Variants in ZMAT4 observed in about 807,000 individuals in gnomAD.
ZMAT4 encodes zinc finger matrin-type 4.
A neutral mutation model predicts 28.7 loss-of-function variants in ZMAT4; 17 were observed. The ratio of observed to expected loss-of-function variants is 0.59; its 90% CI spans 0.41 to 0.89. The LOEUF is 0.89. Among genes scored for constraint, ZMAT4 ranks in the 40% least tolerant of loss-of-function variants. The pLI, the probability that ZMAT4 is intolerant of heterozygous loss-of-function variation, is 0.00. For synonymous variants in ZMAT4, 117 were observed against 109.2 expected (o/e 1.07, Z -0.44); for missense variants, 240 against 283.8 (o/e 0.85, Z 1.11).
At chr8:40,890,713 C>CT (rs1283169066) in intron 1 of ZMAT4, among the ~76,000 whole-genome samples, 21 of 152,192 alleles carry the variant, frequency 1.4e-4, no homozygotes. Flanking sequence ...CCCTCCCTCC[C>CT]TACCTGGTGG....
At chr8:40,590,085 T>C (rs1367831875) in intron 5 of ZMAT4, among the ~76,000 whole-genome samples, 1 of 150,146 alleles carries the variant, frequency 6.7e-6, no homozygotes, top group South Asian at 2.1e-4. Flanking sequence ...AGTGGCATGA[T>C]TGTAGTTCAC....
chr8:40,727,062 G>C (rs1371683977), intron 3 of ZMAT4, among the ~76,000 whole-genome samples: 1 of 152,134 alleles, frequency 6.6e-6, no homozygotes, highest in African/African-American at 2.4e-5. Context: ...AAACCAACTG[G>C]CTTGAGGAAA....
At chr8:40,668,224 C>T (rs965442032) in intron 5 of ZMAT4, among the ~76,000 whole-genome samples, 1 of 152,044 alleles carries the variant, frequency 6.6e-6, no homozygotes, top group Admixed American at 6.6e-5. Context: ...GCAATCCCAG[C>T]ACTTTGGAAG....
chr8:40,755,323 G>A (rs1200650985), intron 3 of ZMAT4, among the ~76,000 whole-genome samples: 1 of 152,140 alleles, frequency 6.6e-6, no homozygotes, highest in Non-Finnish European at 1.5e-5. Flanking sequence ...GGCCTTCTGG[G>A]ATATACCATC....
intron 6 of ZMAT4, among the ~76,000 whole-genome samples, chr8:40,561,956 G>A (rs1803757721): frequency 6.6e-6 from 1 of 152,154 alleles, no homozygotes; most frequent in Non-Finnish European, 1.5e-5. Flanking sequence ...GAGAAAAAGA[G>A]AGGGAGAGAC....
chr8:40,614,350 A>G (rs1162059929), intron 5 of ZMAT4, among the ~76,000 whole-genome samples: 1 of 152,248 alleles, frequency 6.6e-6, no homozygotes, highest in African/African-American at 2.4e-5. Flanking sequence ...AAGGGAAAAT[A>G]AAAAATAAAT....
chr8:40,746,246 TCCC>T (rs1812212972), intron 3 of ZMAT4, among the ~76,000 whole-genome samples: 1 of 53,700 alleles, frequency 1.9e-5, no homozygotes, highest in Admixed American at 2.1e-4. Flanking sequence ...CCTCCCTCCC[TCCC>T]TCCCTCCCTC....
rs139042920 is a variant in ZMAT4, at chr8:40,531,351, C to G, written c.*872G>C. 3 of 152,182 alleles carry G rather than the reference C, an allele frequency of 2.0e-5. No homozygotes were observed. The highest frequency in any genetic ancestry group is 4.8e-5 in the African/African-American group (2 of 41,542). 9.4% of individuals were successfully genotyped at this position (152,182 alleles called of 1,614,324 possible). A position where few individuals can be genotyped will look rare whatever the true frequency, so the allele number is the denominator to read the frequency against. ...ATTTTCTCACTTCTTTCCAAACGAT[C>G]AGTATCCCCCAATTAAAGCCCACAG... On this transcript the variant is annotated 3_prime_UTR_variant, in exon 7 of 7. Transcript: ENST00000297737.
intron 6 of ZMAT4, among the ~76,000 whole-genome samples, chr8:40,561,778 C>T (rs555528665): frequency 6.6e-6 from 1 of 152,212 alleles, no homozygotes; most frequent in Non-Finnish European, 1.5e-5. Context: ...GAGTTTTTTG[C>T]AATTTTTTTA....
intron 3 of ZMAT4, among the ~76,000 whole-genome samples, chr8:40,739,615 C>T (rs1811917100): frequency 6.6e-6 from 1 of 152,160 alleles, no homozygotes; most frequent in African/African-American, 2.4e-5. Context: ...AAACTCTTTA[C>T]CTATCAGGGT....
At chr8:40,872,322 C>T (rs371374707) in intron 1 of ZMAT4, among the ~76,000 whole-genome samples, 5 of 152,336 alleles carry the variant, frequency 3.3e-5, no homozygotes, top group Admixed American at 2.6e-4. Flanking sequence ...AGCTGCCCAG[C>T]CCTCCAGGTG....
chr8:40,767,848 C>T (rs999126091), intron 2 of ZMAT4, 118 bp from the exon 3 acceptor site: 12 of 767,016 alleles, frequency 1.6e-5, no homozygotes, highest in South Asian at 5.9e-5. Context: ...GACACTTCTG[C>T]ATACTCCTGT....
At chr8:40,864,708 T>C (rs544817008) in intron 1 of ZMAT4, among the ~76,000 whole-genome samples, 2 of 152,324 alleles carry the variant, frequency 1.3e-5, no homozygotes, top group African/African-American at 4.8e-5. Context: ...CTGGTATTTT[T>C]ATGCACTGTG....
At chr8:40,625,098 A>T (rs1260788169) in intron 5 of ZMAT4, among the ~76,000 whole-genome samples, 1 of 152,164 alleles carries the variant, frequency 6.6e-6, no homozygotes, top group African/African-American at 2.4e-5. Flanking sequence ...TGGTAGCCAT[A>T]TGAAGGCCCG....
intron 3 of ZMAT4, among the ~76,000 whole-genome samples, chr8:40,725,098 G>A (rs1811265659): frequency 6.6e-6 from 1 of 152,160 alleles, no homozygotes; most frequent in African/African-American, 2.4e-5. Flanking sequence ...GCAAACTGCG[G>A]GAAGTGCCAT....
intron 5 of ZMAT4, among the ~76,000 whole-genome samples, chr8:40,621,507 G>T (rs573993041): frequency 1.3e-5 from 2 of 152,300 alleles, no homozygotes; most frequent in East Asian, 1.9e-4. Flanking sequence ...GATAATAAGG[G>T]CAGGGCAAAG....
chr8:40,865,880 T>C (rs925874794), intron 1 of ZMAT4, among the ~76,000 whole-genome samples: 1 of 152,182 alleles, frequency 6.6e-6, no homozygotes, highest in African/African-American at 2.4e-5. Context: ...ATTTTTAGAT[T>C]TTAGAAGGCC....
chr8:40,547,829 C>T (rs540182897), intron 6 of ZMAT4, among the ~76,000 whole-genome samples: 1 of 151,932 alleles, frequency 6.6e-6, no homozygotes, highest in Non-Finnish European at 1.5e-5. Context: ...TGGAGAGACT[C>T]ACGATGAATG....
intron 3 of ZMAT4, among the ~76,000 whole-genome samples, chr8:40,744,843 T>G (rs1812152567): frequency 6.6e-6 from 1 of 152,176 alleles, no homozygotes; most frequent in East Asian, 1.9e-4. Context: ...AAGCTCTAGT[T>G]CGGCAGCCCT....
Sources: gnomAD v4.1 joint callset for allele counts (sites outside exome capture counted in the v4.1 genomes callset) on GRCh38, gnomAD v4.1.1 for gene constraint, MANE v1.5 for transcripts, NCBI Gene and HGNC (gene_info 2026-07-23, HGNC 2026-07-21) for gene names.